Variants in CSMD1 observed in about 807,000 individuals in gnomAD.
CSMD1 encodes CUB and Sushi multiple domains 1.
Under a neutral mutation model 417.5 loss-of-function variants are expected in CSMD1, and 213 were observed. The observed-to-expected ratio is 0.51, with a 90% confidence interval of 0.46 to 0.57. CSMD1 has a LOEUF of 0.57. CSMD1 is among the 20% of genes least tolerant of loss of function. The pLI, the probability that CSMD1 is intolerant of heterozygous loss-of-function variation, is 0.00. For missense variants in CSMD1, 6,923 were observed against 4,529.7 expected, an observed-to-expected ratio of 1.53 and a Z score of -15.17; for synonymous variants, 2,862 against 1,736.8, an observed-to-expected ratio of 1.65 and a Z score of -16.11.
chr8:4,976,445 T>C (rs1484190115), intron 1 of CSMD1, among the ~76,000 whole-genome samples: 1 of 152,222 alleles, frequency 6.6e-6, no homozygotes, highest in East Asian at 1.9e-4. Flanking sequence ...AAATACAATT[T>C]TGACAAAAAA....
At chr8:4,543,598 G>A (rs1295395999) in intron 2 of CSMD1, among the ~76,000 whole-genome samples, 2 of 131,146 alleles carry the variant, frequency 1.5e-5, no homozygotes, top group African/African-American at 2.8e-5. Flanking sequence ...GTTTTTGTAT[G>A]AACATAAGTT....
chr8:3,199,868 AT>A, intron 32 of CSMD1, 59 bp from the exon 33 acceptor site: 1 of 980,680 alleles, frequency 1.0e-6, no homozygotes, highest in Non-Finnish European at 1.5e-6. Flanking sequence ...GGACGGTAGT[AT>A]TTTGGAAAAT....
chr8:4,418,233 C>G (rs1169621980), intron 3 of CSMD1, among the ~76,000 whole-genome samples: 2 of 152,098 alleles, frequency 1.3e-5, no homozygotes, highest in Non-Finnish European at 2.9e-5. Context: ...TACATAGCCA[C>G]ATTAAAAAAT....
At chr8:4,353,658 T>G (rs1004844590) in intron 3 of CSMD1, among the ~76,000 whole-genome samples, 2 of 152,150 alleles carry the variant, frequency 1.3e-5, no homozygotes, top group Non-Finnish European at 2.9e-5. Context: ...CTTCTCAATC[T>G]GCCTTTACTC....
chr8:4,546,306 A>C (rs528790459), intron 2 of CSMD1, among the ~76,000 whole-genome samples: 3 of 152,088 alleles, frequency 2.0e-5, no homozygotes, highest in South Asian at 2.1e-4. Context: ...GCCATTTATG[A>C]TGGTAAATTT....
chr8:4,312,789 G>C (rs1798705125), intron 3 of CSMD1, among the ~76,000 whole-genome samples: 1 of 152,208 alleles, frequency 6.6e-6, no homozygotes, highest in African/African-American at 2.4e-5. Context: ...CAGGATAATT[G>C]CTTGAACCAG....
Position 4,420,079 on chromosome 8 carries a change from A to G in CSMD1, c.303-14T>C. The G allele has an allele frequency of 6.6e-7, 1 of 1,523,342 alleles. No individual in the cohort carries two copies. The highest frequency in any genetic ancestry group is 8.9e-7 in the Non-Finnish European group (1 of 1,121,242). 94.4% of individuals were successfully genotyped at this position (1,523,342 alleles called of 1,614,324 possible). On this transcript the variant is annotated splice_polypyrimidine_tract_variant and intron_variant, in intron 2 of 69. Transcript: ENST00000635120. The stretch of plus-strand genomic sequence containing the variant: ...AATCCCGATAATCTAAATTTAAAAG[A>G]CAAGACACAAAGAGAGTTAAAAGCA...
rs528439976 is a variant in CSMD1 at position 2,963,366 on chromosome 8, G to C, written c.9310C>G (p.Gln3104Glu). Reference protein sequence around the residue: ...AVLCPQPPPVQNGTVEGSDFR... With the variant: ...AVLCPQPPPVENGTVEGSDFR... The stretch of plus-strand genomic sequence containing the variant: ...TCACTTCCCTCCACTGTTCCATTCT[G>C]CACCGGCGGCGGCTGAGGACACAGC... The change falls in exon 60 of 70, where the codon CAG becomes GAG. Residue 3104 changes from glutamine to glutamate, a missense_variant. Gln to Glu is a conservative substitution (Grantham distance 29). Transcript: ENST00000635120. 4 of 1,613,920 alleles carry C rather than the reference G, an allele frequency of 2.5e-6. No homozygotes were observed. The highest frequency in any genetic ancestry group is 2.7e-5 in the African/African-American group (2 of 75,038).
chr8:3,535,895 T>C (rs183685045), intron 10 of CSMD1, among the ~76,000 whole-genome samples: 2 of 152,232 alleles, frequency 1.3e-5, no homozygotes, highest in Non-Finnish European at 2.9e-5. Context: ...GCCACTAAGC[T>C]TCCCCCTCCT....
chr8:4,801,782 C>T (rs190007117), intron 1 of CSMD1, among the ~76,000 whole-genome samples: 6 of 152,096 alleles, frequency 3.9e-5, no homozygotes, highest in Non-Finnish European at 8.8e-5. Flanking sequence ...AAAAATACAA[C>T]TGAGAGTAAA....
chr8:3,647,707 T>C (rs987009346), intron 7 of CSMD1, among the ~76,000 whole-genome samples: 1 of 152,130 alleles, frequency 6.6e-6, no homozygotes, highest in African/African-American at 2.4e-5. Flanking sequence ...TTGATTTTCT[T>C]TGGAGAAAAC....
At chr8:3,335,706 T>A (rs1001721211) in intron 23 of CSMD1, among the ~76,000 whole-genome samples, 1 of 152,092 alleles carries the variant, frequency 6.6e-6, no homozygotes, top group African/African-American at 2.4e-5. Context: ...TAAAGGTTAA[T>A]GGTAACAATG....
rs1005180073 is a variant in CSMD1, at chr8:3,706,290, C to G, written c.1009+2124G>C. 8.5e-5 allele frequency among the ~76,000 whole-genome samples: 13 copies of G among 152,230 alleles called. 1 individual carries two copies. Among genetic ancestry groups the G allele is most frequent in the Non-Finnish European group, 1.9e-4 (13 of 68,042 alleles). The stretch of plus-strand genomic sequence containing the variant: ...AATTGTGTAAGCGATGACATTTGAA[C>G]TTGAATAAGGCATATACTTGCACAG... On this transcript the variant is annotated intron_variant, in intron 7 of 69. Coordinates refer to ENST00000635120, the MANE Select transcript of CSMD1 (RefSeq NM_033225.6).
At chr8:4,451,431 G>C (rs1376381783) in intron 2 of CSMD1, among the ~76,000 whole-genome samples, 3 of 152,146 alleles carry the variant, frequency 2.0e-5, no homozygotes, top group Admixed American at 6.5e-5. Flanking sequence ...CACTGAAAAA[G>C]TGGTCAGAAA....
chr8:3,792,489 C>T (rs1031043065), intron 5 of CSMD1, among the ~76,000 whole-genome samples: 6 of 152,058 alleles, frequency 3.9e-5, no homozygotes, highest in South Asian at 2.1e-4. Context: ...AATGCCAAAG[C>T]GTTTTTGCAA....
intron 26 of CSMD1, among the ~76,000 whole-genome samples, chr8:3,257,970 T>A (rs1238766309): frequency 6.6e-6 from 1 of 152,094 alleles, no homozygotes. Context: ...GGAGAGGCCG[T>A]GAGACCAGGT....
intron 1 of CSMD1, among the ~76,000 whole-genome samples, chr8:4,871,784 T>C (rs906111361): frequency 6.6e-6 from 1 of 152,128 alleles, no homozygotes; most frequent in Non-Finnish European, 1.5e-5. Context: ...ACTGTACATT[T>C]AGATTGTACA....
At chr8:3,374,099 T>A (rs1810155675) in intron 18 of CSMD1, among the ~76,000 whole-genome samples, 1 of 151,870 alleles carries the variant, frequency 6.6e-6, no homozygotes, top group African/African-American at 2.4e-5. Context: ...ATTACACACA[T>A]GTATCACCAC....
intron 1 of CSMD1, among the ~76,000 whole-genome samples, chr8:4,668,595 G>A (rs570955920): frequency 4.6e-5 from 7 of 151,772 alleles, no homozygotes; most frequent in Admixed American, 3.9e-4. Flanking sequence ...GAATACAGGC[G>A]TCCGCCACCA....
Sources: allele counts gnomAD v4.1 joint callset (sites outside exome capture counted in the v4.1 genomes callset), GRCh38; gene constraint gnomAD v4.1.1; transcripts MANE v1.5; gene names NCBI Gene and HGNC (gene_info 2026-07-23, HGNC 2026-07-21).